GRIP1: variants seen among roughly 807,000 people sequenced by gnomAD.
The protein encoded by GRIP1 is glutamate receptor-interacting protein 1.
GRIP1 carries 45 observed loss-of-function variants against 129.9 expected under a neutral mutation model. The observed-to-expected ratio is 0.35, with a 90% CI of 0.27 to 0.44. The LOEUF (loss-of-function observed/expected upper bound fraction) is 0.44. Ranked by LOEUF, GRIP1 falls within the 20% of genes least tolerant of loss-of-function variation. GRIP1 has a pLI of 1.00. For missense variants in GRIP1, 1,196 were observed against 1,396.8 expected (o/e 0.86, Z 2.29); for synonymous variants, 530 against 520.8 (o/e 1.02, Z -0.24).
intron 19 of GRIP1, among the ~76,000 whole-genome samples, chr12:66,388,242 T>C (rs546764630): frequency 1.6e-4 from 24 of 152,162 alleles, no homozygotes; most frequent in African/African-American, 5.8e-4. Context: ...GATATAATTA[T>C]AGAAACTGAG....
intron 1 of GRIP1, among the ~76,000 whole-genome samples, chr12:66,891,584 A>T (rs1232903860): frequency 6.6e-6 from 1 of 152,170 alleles, no homozygotes; most frequent in African/African-American, 2.4e-5. Flanking sequence ...CAGGGGCTAA[A>T]CACTGGGAGG....
At chr12:66,562,610 C>G (rs2062578539) in intron 2 of GRIP1, among the ~76,000 whole-genome samples, 1 of 152,094 alleles carries the variant, frequency 6.6e-6, no homozygotes, top group African/African-American at 2.4e-5. Context: ...GCTGATTTCT[C>G]AAAACAACTC....
chr12:66,920,760 T>C (rs2041200428), intron 1 of GRIP1, among the ~76,000 whole-genome samples: 1 of 152,234 alleles, frequency 6.6e-6, no homozygotes, highest in African/African-American at 2.4e-5. Context: ...GGCTTACCAG[T>C]GTCCATGAGG....
chr12:66,371,627 C>T (rs938164937), intron 23 of GRIP1, 67 bp downstream of exon 23: 96 of 974,816 alleles, frequency 9.8e-5, no homozygotes, highest in Non-Finnish European at 1.3e-4. Context: ...GCTTACATCT[C>T]GGCGTACATG....
intron 2 of GRIP1, among the ~76,000 whole-genome samples, chr12:66,565,388 C>A (rs1260363865): frequency 6.6e-6 from 1 of 152,154 alleles, no homozygotes; most frequent in East Asian, 1.9e-4. Flanking sequence ...GGAATCCTTT[C>A]CCCATTTCTT....
rs964082470 is a variant in GRIP1, at chr12:66,517,906, A to G, written c.573T>C (p.Ala191=). Residue 191 remains alanine, a synonymous_variant, in exon 6 of 25, where the codon GCT becomes GCC. Transcript: ENST00000359742. ...CACAGAAAGATAAAGTTTACCTGTC[A>G]GCAGGCCCTCCAGGACGAACACATG... ...VITCVRPGGP[A]DREGTIKPGD... 4 of 1,523,754 alleles carry G rather than the reference A, an allele frequency of 2.6e-6. No homozygotes were observed. Among genetic ancestry groups the G allele is most frequent in the Non-Finnish European group, 3.6e-6 (4 of 1,097,532 alleles). The allele number at this position is 1,523,754 out of a possible 1,614,324, so 94.4% of individuals were successfully genotyped here.
chr12:66,512,315 C>G (rs1284748246), intron 7 of GRIP1, among the ~76,000 whole-genome samples: 1 of 152,030 alleles, frequency 6.6e-6, no homozygotes, highest in Non-Finnish European at 1.5e-5. Context: ...GTTTGGAGGG[C>G]TCAGAAGAAG....
At chr12:66,858,857 A>C (rs907922548) in intron 1 of GRIP1, among the ~76,000 whole-genome samples, 6 of 151,932 alleles carry the variant, frequency 3.9e-5, no homozygotes, top group Admixed American at 6.6e-5. Context: ...TCCTGGAAAA[A>C]AGATCTAGTA....
intron 2 of GRIP1, among the ~76,000 whole-genome samples, chr12:66,584,429 C>G (rs1592599445): frequency 6.6e-6 from 1 of 152,138 alleles, no homozygotes; most frequent in African/African-American, 2.4e-5. Context: ...CAAAATTAGC[C>G]AGGCGTGGTG....
chr12:66,509,718 G>A (rs1212037898), intron 7 of GRIP1, among the ~76,000 whole-genome samples: 2 of 152,154 alleles, frequency 1.3e-5, no homozygotes, highest in Non-Finnish European at 2.9e-5. Flanking sequence ...AACACTGCAT[G>A]TTCTCACTTA....
upstream of GRIP1, among the ~76,000 whole-genome samples, chr12:66,807,032 G>C (rs549928194): frequency 2.2e-4 from 33 of 152,252 alleles, no homozygotes; most frequent in South Asian, 4.1e-4. Context: ...TTGGGTCACA[G>C]AGAATGAAAG....
chr12:66,548,350 T>A (rs1435526678), intron 2 of GRIP1, among the ~76,000 whole-genome samples: 2 of 152,186 alleles, frequency 1.3e-5, no homozygotes, highest in African/African-American at 4.8e-5. Context: ...TAGGACTTTA[T>A]CTTGTTTTCA....
At chr12:66,904,335 G>T (rs1489459547) in intron 1 of GRIP1, among the ~76,000 whole-genome samples, 1 of 152,178 alleles carries the variant, frequency 6.6e-6, no homozygotes, top group African/African-American at 2.4e-5. Context: ...GCCAAGAACT[G>T]CATGGAAAAG....
chr12:66,706,582 C>T (rs1286862098), intron 1 of GRIP1, among the ~76,000 whole-genome samples: 1 of 152,064 alleles, frequency 6.6e-6, no homozygotes, highest in East Asian at 1.9e-4. Context: ...CTTATTGCAG[C>T]ACTATTTACA....
At chr12:66,913,815 G>A (rs2041072467) in intron 1 of GRIP1, among the ~76,000 whole-genome samples, 2 of 152,102 alleles carry the variant, frequency 1.3e-5, no homozygotes, top group Non-Finnish European at 2.9e-5. Context: ...AAAATGGAAT[G>A]ACATTAAAAT....
At chr12:66,771,936 G>T (rs1287747723) in intron 1 of GRIP1, among the ~76,000 whole-genome samples, 1 of 152,074 alleles carries the variant, frequency 6.6e-6, no homozygotes, top group Admixed American at 6.6e-5. Context: ...CATACAAATG[G>T]TTCATAAAAA....
intron 19 of GRIP1, among the ~76,000 whole-genome samples, chr12:66,391,199 A>G (rs1280592895): frequency 6.6e-6 from 1 of 152,162 alleles, no homozygotes; most frequent in Non-Finnish European, 1.5e-5. Flanking sequence ...CCCTCACACC[A>G]ATGTGTTCTC....
chr12:66,562,159 T>C (rs1399543888), intron 2 of GRIP1, among the ~76,000 whole-genome samples: 1 of 152,158 alleles, frequency 6.6e-6, no homozygotes, highest in Non-Finnish European at 1.5e-5. Flanking sequence ...TACAACATAA[T>C]GCTTATCACT....
intron 1 of GRIP1, among the ~76,000 whole-genome samples, chr12:66,813,534 T>A (rs749136769): frequency 6.6e-6 from 1 of 152,126 alleles, no homozygotes; most frequent in Non-Finnish European, 1.5e-5. Context: ...TGGAAGTGAC[T>A]CTGGGGGCTA....
Sources: allele counts gnomAD v4.1 joint callset (sites outside exome capture counted in the v4.1 genomes callset), GRCh38; gene constraint gnomAD v4.1.1; transcripts MANE v1.5; gene names NCBI Gene and HGNC (gene_info 2026-07-23, HGNC 2026-07-21).